MGAT4C: variants seen among roughly 807,000 people sequenced by gnomAD.
The protein encoded by MGAT4C is alpha-1,3-mannosyl-glycoprotein 4-beta-N-acetylglucosaminyltransferase C.
MGAT4C carries 19 observed loss-of-function variants against 40.1 expected under a neutral mutation model. That is an observed-to-expected ratio of 0.47 (90% confidence interval 0.33 to 0.70). The LOEUF (loss-of-function observed/expected upper bound fraction) is 0.70. Among genes scored for constraint, MGAT4C ranks in the 30% least tolerant of loss-of-function variants. The pLI is 0.02. For missense variants in MGAT4C, 491 were observed against 563.2 expected, an observed-to-expected ratio of 0.87 and a Z score of 1.30; for synonymous variants, 181 against 187.1, an observed-to-expected ratio of 0.97 and a Z score of 0.27.
chr12:86,421,607 C>G (rs1334771085), intron 3 of MGAT4C, among the ~76,000 whole-genome samples: 1 of 152,040 alleles, frequency 6.6e-6, no homozygotes, highest in Admixed American at 6.6e-5. Context: ...GAAACCCCGT[C>G]TCTACTAAAA....
intron 3 of MGAT4C, among the ~76,000 whole-genome samples, chr12:86,424,834 G>T (rs1028586647): frequency 2.6e-5 from 4 of 152,138 alleles, no homozygotes; most frequent in African/African-American, 9.7e-5. Context: ...CCGGCTCACT[G>T]CAACCTCTGC....
intron 1 of MGAT4C, among the ~76,000 whole-genome samples, chr12:86,728,484 G>A (rs892609089): frequency 1.3e-5 from 2 of 152,104 alleles, no homozygotes; most frequent in East Asian, 3.9e-4. Flanking sequence ...GGAGGTCAGC[G>A]GTTTGAGACC....
intron 2 of MGAT4C, among the ~76,000 whole-genome samples, chr12:86,036,779 T>G (rs558782147): frequency 1.3e-5 from 2 of 149,916 alleles, no homozygotes; most frequent in Admixed American, 1.3e-4. Flanking sequence ...CTCTGCCAGG[T>G]TTTGGAATTA....
intron 2 of MGAT4C, among the ~76,000 whole-genome samples, chr12:86,640,084 AC>A (rs1447845225): frequency 6.6e-6 from 1 of 151,754 alleles, no homozygotes; most frequent in Non-Finnish European, 1.5e-5. Flanking sequence ...CAAAAAGAAG[AC>A]TTTTAACAAA....
chr12:86,139,330 C>T (rs1343765304), intron 1 of MGAT4C, among the ~76,000 whole-genome samples: 1 of 151,986 alleles, frequency 6.6e-6, no homozygotes, highest in Non-Finnish European at 1.5e-5. Flanking sequence ...CAGTCATTCC[C>T]TTGATTTCCT....
At chr12:86,422,657 T>C (rs1400109038) in intron 3 of MGAT4C, among the ~76,000 whole-genome samples, 1 of 152,212 alleles carries the variant, frequency 6.6e-6, no homozygotes, top group Admixed American at 6.5e-5. Flanking sequence ...TTCTATTTCC[T>C]TTTTATAACA....
At chr12:86,525,598 A>C (rs1471324414) in intron 2 of MGAT4C, among the ~76,000 whole-genome samples, 1 of 152,038 alleles carries the variant, frequency 6.6e-6, no homozygotes, top group Non-Finnish European at 1.5e-5. Context: ...GAAGTTGCTG[A>C]CCTTTGCATG....
chr12:86,372,817 A>T (rs1224762469), intron 3 of MGAT4C, among the ~76,000 whole-genome samples: 5 of 151,830 alleles, frequency 3.3e-5, no homozygotes, highest in Admixed American at 1.3e-4. Flanking sequence ...TTTTGTCTAA[A>T]CACTTTTGTC....
In MGAT4C at chr12:86,693,906, T is replaced by C. The variant is rs78168246; in HGVS notation, c.-229+33303A>G. 5.6e-4 allele frequency among the ~76,000 whole-genome samples: 85 copies of C among 152,268 alleles called. No homozygotes were observed. In the East Asian group the frequency reaches 9.1e-3, roughly 16 times the overall value. Reference sequence around the variant, plus strand: ...AGTTAGTTTTTCTTTTGCCAACAAATACTGTTGTCTAAATGTCTGAGAGCT... The same window carrying C: ...AGTTAGTTTTTCTTTTGCCAACAAACACTGTTGTCTAAATGTCTGAGAGCT... On this transcript the variant is annotated intron_variant, in intron 2 of 7. Transcript: ENST00000548651.
intron 2 of MGAT4C, among the ~76,000 whole-genome samples, chr12:86,548,818 A>G (rs900956588): frequency 1.3e-5 from 2 of 152,216 alleles, no homozygotes; most frequent in African/African-American, 4.8e-5. Flanking sequence ...ACTGTATGTG[A>G]AGAATTTAGA....
chr12:86,028,034 T>C, intron 2 of MGAT4C: 1 of 852,128 alleles, frequency 1.2e-6, no homozygotes, highest in South Asian at 1.5e-5. Flanking sequence ...GAAAATCAAG[T>C]GTATCTAGTC....
intron 3 of MGAT4C, among the ~76,000 whole-genome samples, chr12:86,407,230 T>G: frequency 6.6e-6 from 1 of 152,140 alleles, no homozygotes; most frequent in Non-Finnish European, 1.5e-5. Context: ...ATATTTATCA[T>G]TTTTCAACAT....
intron 4 of MGAT4C, among the ~76,000 whole-genome samples, chr12:86,288,197 G>GT (rs1173431178): frequency 6.6e-6 from 1 of 151,956 alleles, no homozygotes; most frequent in African/African-American, 2.4e-5. Context: ...TAATGGGGTT[G>GT]TTTTTTTCTT....
chr12:86,538,510 G>A (rs927908922), intron 2 of MGAT4C, among the ~76,000 whole-genome samples: 3 of 152,030 alleles, frequency 2.0e-5, no homozygotes, highest in African/African-American at 7.2e-5. Context: ...ATCAGCTGGG[G>A]TCACCAGAAG....
intron 1 of MGAT4C, among the ~76,000 whole-genome samples, chr12:86,145,732 TCTGA>T (rs2135751295): frequency 6.6e-6 from 1 of 152,302 alleles, no homozygotes; most frequent in Admixed American, 6.5e-5. Flanking sequence ...TTTGATCACT[TCTGA>T]AAATACTGAT....
intron 4 of MGAT4C, among the ~76,000 whole-genome samples, chr12:86,273,300 A>G (rs1306521937): frequency 6.6e-6 from 1 of 152,190 alleles, no homozygotes; most frequent in African/African-American, 2.4e-5. Context: ...TAGATTAGTA[A>G]CAATATTTAT....
chr12:86,166,768 A>T, intron 1 of MGAT4C, among the ~76,000 whole-genome samples: 1 of 152,198 alleles, frequency 6.6e-6, no homozygotes, highest in East Asian at 1.9e-4. Flanking sequence ...CTATCCTTCT[A>T]TAAGTATCAC....
At chr12:86,098,897 A>C (rs1874420847) in intron 1 of MGAT4C, among the ~76,000 whole-genome samples, 1 of 151,522 alleles carries the variant, frequency 6.6e-6, no homozygotes, top group Non-Finnish European at 1.5e-5. Flanking sequence ...TTTCATAGAC[A>C]ATGTCATGCC....
At position 85,960,149 on chromosome 12, in the gene MGAT4C, G is replaced by C. The variant is rs1592573327; in HGVS notation, c.*19140C>G. The C allele has an allele frequency of 6.6e-6, 1 of 151,950 alleles. No homozygotes were observed. Among genetic ancestry groups the C allele is most frequent in the Non-Finnish European group, 1.5e-5 (1 of 67,926 alleles). The allele number at this position is 151,950 out of a possible 1,614,324, so 9.4% of individuals were successfully genotyped here. A position where few individuals can be genotyped will look rare whatever the true frequency, so the allele number is the denominator to read the frequency against. ...CTATGGTGCCCACATTGTGTCACCAGCCAGCCGTATGCAGACTTACAAAGG... is the reference window on the plus strand; with the variant it reads ...CTATGGTGCCCACATTGTGTCACCACCCAGCCGTATGCAGACTTACAAAGG... On this transcript the variant is annotated 3_prime_UTR_variant, in exon 5 of 5. Transcript: ENST00000611864.
Sources: allele counts gnomAD v4.1 joint callset (sites outside exome capture counted in the v4.1 genomes callset), GRCh38; gene constraint gnomAD v4.1.1; transcripts MANE v1.5; gene names NCBI Gene and HGNC (gene_info 2026-07-23, HGNC 2026-07-21).